PTPRN2: variants seen among roughly 807,000 people sequenced by gnomAD.
PTPRN2 encodes receptor-type tyrosine-protein phosphatase N2.
Under a neutral mutation model 118.8 loss-of-function variants are expected in PTPRN2, and 74 were observed. The ratio of observed to expected loss-of-function variants is 0.62; its 90% CI spans 0.52 to 0.76. The LOEUF (loss-of-function observed/expected upper bound fraction) is 0.76. Ranked by LOEUF, PTPRN2 falls within the 30% of genes least tolerant of loss-of-function variation. The pLI is 0.00. For missense variants in PTPRN2, 1,481 were observed against 1,394.4 expected (o/e 1.06, Z -0.99); for synonymous variants, 641 against 608.0 (o/e 1.05, Z -0.80).
chr7:158,015,941 C>T lies in PTPRN2; in HGVS notation c.1723+65357G>A, dbSNP rs1400373538. Among the ~76,000 whole-genome samples the T allele has an allele frequency of 6.6e-6, 1 of 152,158 alleles. No individual in the cohort carries two copies. The highest frequency in any genetic ancestry group is 1.9e-4 in the East Asian group (1 of 5,182). On this transcript the variant is annotated intron_variant, in intron 11 of 22. Coordinates refer to ENST00000389418, the MANE Select transcript of PTPRN2 (RefSeq NM_002847.5). The surrounding 1 kb of genome is among the most constrained non-coding windows in gnomAD (Gnocchi z 4.2). ...CCTGGGGAAGTTTCATGTCTTTCCT[C>T]ACACGTGGCAGGGACGGCTGTGGGG...
chr7:158,101,762 G>A (rs1815246126), intron 10 of PTPRN2, among the ~76,000 whole-genome samples: 1 of 152,152 alleles, frequency 6.6e-6, no homozygotes, highest in South Asian at 2.1e-4. Flanking sequence ...GTCAGCCTCA[G>A]GTCTGCTCCA....
At chr7:158,248,623 C>G (rs1796411693) in intron 3 of PTPRN2, among the ~76,000 whole-genome samples, 1 of 151,368 alleles carries the variant, frequency 6.6e-6, no homozygotes, top group African/African-American at 2.4e-5. Flanking sequence ...TGCACATACA[C>G]ACGCACACAC....
At chr7:158,309,302 G>A (rs185514516) in intron 3 of PTPRN2, among the ~76,000 whole-genome samples, 1 of 1,810 alleles carries the variant, frequency 5.5e-4, no homozygotes, top group Non-Finnish European at 2.4e-3. Context: ...AGCATGGCCA[G>A]AATAAAAGCA....
At chr7:158,115,518 T>C (rs978914759) in intron 9 of PTPRN2, among the ~76,000 whole-genome samples, 1 of 151,934 alleles carries the variant, frequency 6.6e-6, no homozygotes, top group African/African-American at 2.4e-5. Context: ...GGTGAAGGTG[T>C]GAGGAGGAGG....
At chr7:158,432,107 G>T (rs1586660751) in intron 2 of PTPRN2, among the ~76,000 whole-genome samples, 1 of 152,206 alleles carries the variant, frequency 6.6e-6, no homozygotes, top group Admixed American at 6.5e-5. Context: ...GCTGACTCAC[G>T]GGATGCCTTG....
intron 2 of PTPRN2, among the ~76,000 whole-genome samples, chr7:158,476,067 A>G (rs535312652): frequency 3.3e-5 from 5 of 152,170 alleles, no homozygotes; most frequent in Non-Finnish European, 7.3e-5. Flanking sequence ...GCTGGAGTGC[A>G]AAGGCTTAAT....
intron 3 of PTPRN2, among the ~76,000 whole-genome samples, chr7:158,231,418 G>C (rs910373067): frequency 6.6e-6 from 1 of 152,098 alleles, no homozygotes; most frequent in African/African-American, 2.4e-5. Context: ...ATCAGCAAGA[G>C]GATATAAAAT....
chr7:158,144,613 T>A (rs1386986436), intron 6 of PTPRN2, among the ~76,000 whole-genome samples: 1 of 152,024 alleles, frequency 6.6e-6, no homozygotes, highest in Non-Finnish European at 1.5e-5. Flanking sequence ...CACTCCAGCC[T>A]GGGCGATAGA....
intron 6 of PTPRN2, among the ~76,000 whole-genome samples, chr7:158,157,361 G>A (rs1821917963): frequency 6.6e-6 from 1 of 152,242 alleles, no homozygotes; most frequent in Non-Finnish European, 1.5e-5. Context: ...AATGCAGCTG[G>A]CTTACAGCAG....
chr7:157,822,139 T>TACCCACTCATCCATTCATCC (rs1806883451), intron 12 of PTPRN2, among the ~76,000 whole-genome samples: 1 of 150,868 alleles, frequency 6.6e-6, no homozygotes, highest in African/African-American at 2.4e-5. Context: ...TGCATTCATC[T>TACCCACTCATCCATTCATCC]ACCCACTCAT....
intron 13 of PTPRN2, among the ~76,000 whole-genome samples, chr7:157,659,078 T>C (rs1317368694): frequency 6.6e-6 from 1 of 151,656 alleles, no homozygotes; most frequent in Non-Finnish European, 1.5e-5. Context: ...TTTAAAGATG[T>C]CTGCCAAGCC....
chr7:158,514,253 A>T (rs1823380616), intron 1 of PTPRN2, among the ~76,000 whole-genome samples: 1 of 152,140 alleles, frequency 6.6e-6, no homozygotes, highest in Non-Finnish European at 1.5e-5. Flanking sequence ...AGCCCCTGAA[A>T]ACACAGCAGT....
intron 2 of PTPRN2, among the ~76,000 whole-genome samples, chr7:158,458,574 G>C (rs147083091): frequency 6.6e-6 from 1 of 152,020 alleles, no homozygotes; most frequent in Non-Finnish European, 1.5e-5. Context: ...GTCGACCGCC[G>C]GAGCCCTGAC....
At position 157,868,636 on chromosome 7, in the gene PTPRN2, C is replaced by T. The variant is rs2151255039; in HGVS notation, c.1788+30037G>A. ...CTGAGGACTGGCCGGGGAAATAACT[C>T]TGAGCCCTCGAGATGAGGGGCTATG... On this transcript the variant is annotated intron_variant, in intron 12 of 22. Coordinates refer to ENST00000389418, the MANE Select transcript of PTPRN2 (RefSeq NM_002847.5). This position sits in a 1 kb window ranked among gnomAD's most constrained non-coding sequence, Gnocchi z 5.2. The T allele has an allele frequency of 6.6e-6, 1 of 152,348 alleles. No homozygotes were observed. Among genetic ancestry groups the T allele is most frequent in the South Asian group, 2.1e-4 (1 of 4,830 alleles). 9.4% of individuals were successfully genotyped at this position (152,348 alleles called of 1,614,324 possible). A position where few individuals can be genotyped will look rare whatever the true frequency, so the allele number is the denominator to read the frequency against.
At chr7:157,685,994 G>A (rs989214889) in intron 12 of PTPRN2, among the ~76,000 whole-genome samples, 1 of 152,042 alleles carries the variant, frequency 6.6e-6, no homozygotes, top group African/African-American at 2.4e-5. Context: ...GAGGCCGGGG[G>A]AGGCCCGGAG....
At chr7:158,284,907 C>G (rs10949709) in intron 3 of PTPRN2, among the ~76,000 whole-genome samples, 37,127 of 152,204 alleles carry the variant, frequency 0.24, 5,124 homozygotes, top group East Asian at 0.41. Flanking sequence ...CTGGCACACG[C>G]CGCCTGCCTA....
At chr7:158,534,484 G>A (rs1825518811) in intron 1 of PTPRN2, among the ~76,000 whole-genome samples, 1 of 152,202 alleles carries the variant, frequency 6.6e-6, no homozygotes, top group African/African-American at 2.4e-5. Context: ...ATCAGGGACA[G>A]CTGTGTGCTG....
At chr7:158,171,169 T>C (rs1001841712) in intron 5 of PTPRN2, among the ~76,000 whole-genome samples, 2 of 117,520 alleles carry the variant, frequency 1.7e-5, no homozygotes, top group Non-Finnish European at 3.6e-5. Context: ...TATACACACA[T>C]ATATACACAT....
chr7:157,646,220 G>T (rs1805060782), intron 14 of PTPRN2, among the ~76,000 whole-genome samples: 3 of 152,208 alleles, frequency 2.0e-5, no homozygotes, highest in Admixed American at 6.5e-5. Flanking sequence ...TGGAGGTGGG[G>T]CCTGGTGGGA....
Sources: allele counts gnomAD v4.1 joint callset (sites outside exome capture counted in the v4.1 genomes callset), GRCh38; gene constraint gnomAD v4.1.1; non-coding constraint Gnocchi (gnomAD v3.1); transcripts MANE v1.5; gene names NCBI Gene and HGNC (gene_info 2026-07-23, HGNC 2026-07-21).